Variants in DLG2 observed in about 807,000 individuals in gnomAD.
DLG2 encodes discs large MAGUK scaffold protein 2, also known as disks large homolog 2.
In DLG2, 45 loss-of-function variants were observed where a neutral mutation model predicts 132.5. The ratio of observed to expected loss-of-function variants is 0.34; its 90% confidence interval spans 0.27 to 0.44. The LOEUF (loss-of-function observed/expected upper bound fraction) is 0.44. Ranked by LOEUF, DLG2 falls within the 20% of genes least tolerant of loss-of-function variation. DLG2 has a pLI of 1.00. For synonymous variants in DLG2, 424 were observed against 419.6 expected (o/e 1.01, Z -0.13); for missense variants, 1,045 against 1,196.9 (o/e 0.87, Z 1.87).
intron 6 of DLG2, among the ~76,000 whole-genome samples, chr11:84,810,259 C>A (rs1435628314): frequency 1.3e-5 from 2 of 151,938 alleles, no homozygotes; most frequent in African/African-American, 4.8e-5. Context: ...TGTCAAAACT[C>A]AACAAAGTAA....
intron 19 of DLG2, among the ~76,000 whole-genome samples, chr11:83,626,315 G>A (rs1335005679): frequency 6.6e-6 from 1 of 152,084 alleles, no homozygotes; most frequent in Non-Finnish European, 1.5e-5. Context: ...CATTTCTATG[G>A]TCTGCATACT....
At chr11:84,825,163 G>A (rs866008916) in intron 6 of DLG2, among the ~76,000 whole-genome samples, 1 of 151,854 alleles carries the variant, frequency 6.6e-6, no homozygotes, top group East Asian at 1.9e-4. Context: ...GTGTGATATA[G>A]CACACCCTGG....
At chr11:85,577,430 T>G (rs948450756) in intron 3 of DLG2, among the ~76,000 whole-genome samples, 1 of 151,962 alleles carries the variant, frequency 6.6e-6, no homozygotes, top group African/African-American at 2.4e-5. Context: ...GTGTTCTGAG[T>G]GTGAGTAAAC....
chr11:84,004,734 T>C (rs2094498968), intron 11 of DLG2, among the ~76,000 whole-genome samples: 1 of 151,770 alleles, frequency 6.6e-6, no homozygotes, highest in Middle Eastern at 3.4e-3. Flanking sequence ...AAGGGAAAGA[T>C]CTCTACAAGG....
intron 21 of DLG2, among the ~76,000 whole-genome samples, chr11:83,492,114 C>T (rs1038731322): frequency 2.6e-5 from 4 of 152,046 alleles, no homozygotes; most frequent in Non-Finnish European, 5.9e-5. Context: ...CTCTCTGGCC[C>T]GTTACAGAAA....
chr11:84,733,970 G>T (rs1162945718), intron 6 of DLG2, among the ~76,000 whole-genome samples: 3 of 152,044 alleles, frequency 2.0e-5, no homozygotes, highest in Non-Finnish European at 4.4e-5. Context: ...TTATTTCTGA[G>T]GGCTCTGTTC....
intron 3 of DLG2, among the ~76,000 whole-genome samples, chr11:85,551,864 A>G (rs183295077): frequency 1.3e-5 from 2 of 152,138 alleles, no homozygotes; most frequent in East Asian, 3.9e-4. Flanking sequence ...AACTAAAAAG[A>G]AAAAAGTAGA....
At chr11:84,930,993 T>C (rs184285828) in intron 6 of DLG2, among the ~76,000 whole-genome samples, 11 of 152,118 alleles carry the variant, frequency 7.2e-5, no homozygotes, top group South Asian at 6.2e-4. Context: ...CCCCTTAAAA[T>C]TGGGCATCAC....
At chr11:84,819,685 C>T (rs746921888) in intron 6 of DLG2, among the ~76,000 whole-genome samples, 1 of 151,842 alleles carries the variant, frequency 6.6e-6, no homozygotes, top group Non-Finnish European at 1.5e-5. Context: ...TAACAGGAAA[C>T]CTCAGATAGC....
chr11:85,428,024 C>T (rs922373337), intron 3 of DLG2, among the ~76,000 whole-genome samples: 4 of 152,046 alleles, frequency 2.6e-5, no homozygotes, highest in African/African-American at 7.2e-5. Context: ...TCAAAAGAGA[C>T]AAAGAAGGCC....
At position 85,277,147 on chromosome 11, in the gene DLG2, G is replaced by C. The variant is rs374514384; in HGVS notation, c.186+8073C>G. On this transcript the variant is annotated intron_variant, in intron 4 of 27. Transcript: ENST00000376104. ...CAGACAGTAAAGATTATGCTAAGGA[G>C]ATGGCACAATAATCTGTAAAAAATG... Among the ~76,000 whole-genome samples, 43 of 152,258 alleles carry C rather than the reference G, an allele frequency of 2.8e-4. No individual in the cohort carries two copies. In the East Asian group the frequency reaches 4.2e-3, roughly 15 times the overall value.
At chr11:85,220,637 A>AAAAT (rs371263007) in intron 4 of DLG2, among the ~76,000 whole-genome samples, 25 of 148,316 alleles carry the variant, frequency 1.7e-4, no homozygotes, top group African/African-American at 4.7e-4. Flanking sequence ...TAGAAAAAAA[A>AAAAT]ATATATATAT....
At chr11:84,700,544 C>G (rs1299329083) in intron 6 of DLG2, among the ~76,000 whole-genome samples, 2 of 151,616 alleles carry the variant, frequency 1.3e-5, no homozygotes, top group East Asian at 1.9e-4. Flanking sequence ...CTTATTCAAA[C>G]ATAACATCAA....
chr11:85,425,056 C>T (rs2090607947), intron 3 of DLG2, among the ~76,000 whole-genome samples: 1 of 152,070 alleles, frequency 6.6e-6, no homozygotes, highest in Admixed American at 6.6e-5. Context: ...AAACCCACCA[C>T]ATAAATTCAT....
At chr11:84,501,916 T>A (rs1209894960) in intron 7 of DLG2, among the ~76,000 whole-genome samples, 1 of 152,106 alleles carries the variant, frequency 6.6e-6, no homozygotes, top group Non-Finnish European at 1.5e-5. Flanking sequence ...CCAGAAGACT[T>A]CTAGTTTCAC....
chr11:84,205,620 A>G (rs1337826293), intron 8 of DLG2, among the ~76,000 whole-genome samples: 2 of 152,114 alleles, frequency 1.3e-5, no homozygotes, highest in African/African-American at 4.8e-5. Flanking sequence ...AAAAGATCAT[A>G]AAGAAAATAA....
intron 6 of DLG2, among the ~76,000 whole-genome samples, chr11:85,015,561 T>C (rs1242148967): frequency 6.6e-6 from 1 of 152,098 alleles, no homozygotes; most frequent in Non-Finnish European, 1.5e-5. Flanking sequence ...TTAAAATATG[T>C]ATAAGATGAT....
chr11:84,481,748 A>G (rs892495240), intron 7 of DLG2, among the ~76,000 whole-genome samples: 11 of 152,124 alleles, frequency 7.2e-5, no homozygotes, highest in African/African-American at 2.7e-4. Flanking sequence ...TCTGCATTCT[A>G]TCAAAATTGC....
intron 3 of DLG2, among the ~76,000 whole-genome samples, chr11:85,421,873 G>T (rs1385136639): frequency 6.6e-6 from 1 of 152,052 alleles, no homozygotes; most frequent in Non-Finnish European, 1.5e-5. Flanking sequence ...TTTTGCAGTG[G>T]TGGGTCGGTA....
Sources: gnomAD v4.1 joint callset for allele counts (sites outside exome capture counted in the v4.1 genomes callset) on GRCh38, gnomAD v4.1.1 for gene constraint, MANE v1.5 for transcripts, NCBI Gene and HGNC (gene_info 2026-07-23, HGNC 2026-07-21) for gene names.